TNKS: variants seen among roughly 807,000 people sequenced by gnomAD.
TNKS encodes poly [ADP-ribose] polymerase tankyrase-1.
In TNKS, 72 loss-of-function variants were observed where a neutral mutation model predicts 135.8. The ratio of observed to expected loss-of-function variants is 0.53; its 90% CI spans 0.44 to 0.64. The LOEUF (loss-of-function observed/expected upper bound fraction) is 0.64, where lower values mean the gene tolerates loss of function less well. Among genes scored for constraint, TNKS ranks in the 30% least tolerant of loss-of-function variants. The pLI, the probability that TNKS is intolerant of heterozygous loss-of-function variation, is 0.00. For synonymous variants in TNKS, 849 were observed against 649.3 expected (o/e 1.31, Z -4.68); for missense variants, 1,769 against 1,674.0 (o/e 1.06, Z -0.99).
Position 9,761,656 on chromosome 8 carries a change from A to G in TNKS, c.3274+20A>G. 6.3e-7 allele frequency: 1 copy of G among 1,582,174 alleles called. No homozygotes were observed. The highest frequency in any genetic ancestry group is 8.5e-7 in the Non-Finnish European group (1 of 1,172,502). On this transcript the variant is annotated intron_variant, in intron 21 of 26. Transcript: ENST00000310430. ...AACAAGGTAAGCTATTCAGAAAAAA[A>G]AAAAAATTTCAGAAATCAGTGGTAC...
Position 9,733,310 on chromosome 8 carries a change from T to C in TNKS, c.2179T>C (p.Tyr727His). 1 of 1,592,994 alleles carries C rather than the reference T, an allele frequency of 6.3e-7. No homozygotes were observed. The highest frequency in any genetic ancestry group is 8.5e-7 in the Non-Finnish European group (1 of 1,174,562). The part of the protein sequence containing the change: ...GLVPLHNACS[Y>H]GHYEVAELLV... ...GGTGCCCCTTCATAATGCCTGTTCA[T>C]ATGGACACTATGAGGTGGCTGAGCT... Residue 727 changes from tyrosine to histidine, a missense_variant, in exon 15 of 27, where the codon TAT becomes CAT. Coordinates refer to ENST00000310430, the MANE Select transcript of TNKS (RefSeq NM_003747.3).
chr8:9,728,612 A>C (rs1805269639), intron 13 of TNKS, among the ~76,000 whole-genome samples: 1 of 152,152 alleles, frequency 6.6e-6, no homozygotes, highest in African/African-American at 2.4e-5. Context: ...GACTCCTTAG[A>C]GGGTGTTTAT....
chr8:9,740,055 T>TAAAAA (rs58285747), intron 17 of TNKS, among the ~76,000 whole-genome samples: 242 of 87,370 alleles, frequency 2.8e-3, no homozygotes, highest in African/African-American at 5.9e-3. Flanking sequence ...TAGAGTATAA[T>TAAAAA]AAAAAAAAAA....
At chr8:9,628,380 GT>G (rs1237291197) in intron 3 of TNKS, among the ~76,000 whole-genome samples, 1 of 151,894 alleles carries the variant, frequency 6.6e-6, no homozygotes, top group African/African-American at 2.4e-5. Context: ...TTCTCCCTGA[GT>G]TTTTTAAGAA....
At chr8:9,625,748 A>T (rs1800031720) in intron 3 of TNKS, among the ~76,000 whole-genome samples, 1 of 152,104 alleles carries the variant, frequency 6.6e-6, no homozygotes, top group Non-Finnish European at 1.5e-5. Context: ...CTTGAACAAT[A>T]CTCTGTATGA....
chr8:9,564,441 A>G (rs1797449487), intron 1 of TNKS, among the ~76,000 whole-genome samples: 1 of 152,230 alleles, frequency 6.6e-6, no homozygotes, highest in African/African-American at 2.4e-5. Context: ...AATTCTGAGA[A>G]AATAAATTTT....
intron 1 of TNKS, among the ~76,000 whole-genome samples, chr8:9,559,878 G>T (rs35197051): frequency 0.1 from 15,812 of 152,142 alleles, 1,156 homozygotes; most frequent in Admixed American, 0.22. Flanking sequence ...TTTAGAGACT[G>T]TGTTAATAAT....
At chr8:9,618,666 A>G (rs1467557072) in intron 3 of TNKS, among the ~76,000 whole-genome samples, 1 of 152,208 alleles carries the variant, frequency 6.6e-6, no homozygotes, top group Non-Finnish European at 1.5e-5. Context: ...TTGATTATAA[A>G]TTTTTTAAAG....
At chr8:9,722,762 C>A (rs991176744) in intron 12 of TNKS, among the ~76,000 whole-genome samples, 3 of 152,080 alleles carry the variant, frequency 2.0e-5, no homozygotes, top group African/African-American at 7.2e-5. Flanking sequence ...AAGTTAGTTT[C>A]TGTATGTTTT....
At chr8:9,586,526 C>T (rs1283382299) in intron 2 of TNKS, among the ~76,000 whole-genome samples, 1 of 151,956 alleles carries the variant, frequency 6.6e-6, no homozygotes, top group African/African-American at 2.4e-5. Context: ...TCTCTTCTTC[C>T]CCCTCCTTTG....
chr8:9,694,718 C>A lies in TNKS; in HGVS notation c.1108-9945C>A, dbSNP rs564467224. On this transcript the variant is annotated intron_variant, in intron 5 of 26. Coordinates refer to ENST00000310430, the MANE Select transcript of TNKS (RefSeq NM_003747.3). ...CGGAGGCTGCAGTGAGCCGAGATCA[C>A]CCCACTGCGCTCCAGCCTGGGCAAC... Among the ~76,000 whole-genome samples, 76 of 151,164 alleles carry A rather than the reference C, an allele frequency of 5.0e-4. 1 individual carries two copies. Among genetic ancestry groups the A allele is most frequent in the Non-Finnish European group, 4.6e-4 (31 of 67,852 alleles).
At position 9,634,690 on chromosome 8, in the gene TNKS, C is replaced by T. The variant is rs1800438157; in HGVS notation, c.994+19013C>T. On this transcript the variant is annotated intron_variant, in intron 3 of 26. Coordinates refer to ENST00000310430, the MANE Select transcript of TNKS (RefSeq NM_003747.3). ...ATCAGAATCACTGCGGGAAACAAAC[C>T]TCTATTTCTGCTACAGAAAAGACCT... 4.6e-5 allele frequency among the ~76,000 whole-genome samples: 7 copies of T among 152,254 alleles called. No individual in the cohort carries two copies. The South Asian group carries it at 1.5e-3, about 32-fold the overall frequency.
intron 17 of TNKS, among the ~76,000 whole-genome samples, chr8:9,747,001 G>A (rs150950830): frequency 0.013 from 1,994 of 148,406 alleles, 39 homozygotes; most frequent in African/African-American, 0.046. Flanking sequence ...TCTTGCCTCA[G>A]CCTCCCGAGT....
At chr8:9,574,675 A>C (rs551682823) in intron 1 of TNKS, among the ~76,000 whole-genome samples, 1 of 152,186 alleles carries the variant, frequency 6.6e-6, no homozygotes, top group African/African-American at 2.4e-5. Flanking sequence ...ATTTTCTTCA[A>C]ATTCTTCACT....
At chr8:9,646,614 A>T (rs1196561404) in intron 3 of TNKS, among the ~76,000 whole-genome samples, 1 of 152,194 alleles carries the variant, frequency 6.6e-6, no homozygotes, top group Non-Finnish European at 1.5e-5. Context: ...AAGGTTTATT[A>T]TCAGAAACTC....
chr8:9,607,718 G>C (rs1272124034), intron 2 of TNKS, among the ~76,000 whole-genome samples: 1 of 152,050 alleles, frequency 6.6e-6, no homozygotes, highest in African/African-American at 2.4e-5. Flanking sequence ...ATCCATGTCA[G>C]CAGAAAAGTC....
At chr8:9,594,412 A>T (rs1798697638) in intron 2 of TNKS, among the ~76,000 whole-genome samples, 1 of 152,210 alleles carries the variant, frequency 6.6e-6, no homozygotes, top group Non-Finnish European at 1.5e-5. Flanking sequence ...TTAGTTTCTC[A>T]GTTGCACTAG....
intron 5 of TNKS, among the ~76,000 whole-genome samples, chr8:9,694,416 A>C (rs1466943223): frequency 6.6e-6 from 1 of 152,194 alleles, no homozygotes; most frequent in Non-Finnish European, 1.5e-5. Flanking sequence ...AACATGTGTA[A>C]GAGTAAAAGA....
At chr8:9,775,442 GAAT>G (rs1808170714) in intron 26 of TNKS, among the ~76,000 whole-genome samples, 1 of 112,512 alleles carries the variant, frequency 8.9e-6, no homozygotes, top group African/African-American at 3.1e-5. Flanking sequence ...TTACGGAAAA[GAAT>G]ATTATGAATG....
Sources: allele counts gnomAD v4.1 joint callset (sites outside exome capture counted in the v4.1 genomes callset), GRCh38; gene constraint gnomAD v4.1.1; transcripts MANE v1.5; gene names NCBI Gene and HGNC (gene_info 2026-07-23, HGNC 2026-07-21).